TASP1: variants seen among roughly 807,000 people sequenced by gnomAD.
TASP1 encodes the protein threonine aspartase 1.
A neutral mutation model predicts 56.6 loss-of-function variants in TASP1; 16 were observed. The observed-to-expected ratio is 0.28, with a 90% CI of 0.19 to 0.43. TASP1 has a LOEUF of 0.43. Ranked by LOEUF, TASP1 falls within the 20% of genes least tolerant of loss-of-function variation. The pLI, the probability that TASP1 is intolerant of heterozygous loss-of-function variation, is 1.00. For synonymous variants in TASP1, 179 were observed against 184.2 expected (o/e 0.97, Z 0.23); for missense variants, 393 against 511.6 (o/e 0.77, Z 2.24).
At chr20:13,136,318 C>T in the TASP1 span, among the ~76,000 whole-genome samples, 13 of 151,864 alleles carry the variant, frequency 8.6e-5, no homozygotes, top group Admixed American at 8.5e-4. Flanking sequence ...GGAATTTGGC[C>T]AGGTGTGGTG....
chr20:13,498,611 T>C (rs1013189559), intron 10 of TASP1, among the ~76,000 whole-genome samples: 2 of 151,796 alleles, frequency 1.3e-5, no homozygotes, highest in Non-Finnish European at 2.9e-5. Context: ...CTCAAAGTGC[T>C]AGGATTATAG....
chr20:13,140,945 A>G, the TASP1 span, among the ~76,000 whole-genome samples: 33 of 152,296 alleles, frequency 2.2e-4, no homozygotes, highest in African/African-American at 7.2e-4. Flanking sequence ...CCTCTAACCC[A>G]ATGTGGACTG....
the TASP1 span, among the ~76,000 whole-genome samples, chr20:13,120,852 A>G: frequency 6.6e-6 from 1 of 152,334 alleles, no homozygotes; most frequent in South Asian, 2.1e-4. Context: ...CAGTCTGTCC[A>G]GAGCCAGCAG....
At chr20:13,308,500 C>T in the TASP1 span, among the ~76,000 whole-genome samples, 2 of 152,064 alleles carry the variant, frequency 1.3e-5, no homozygotes, top group Non-Finnish European at 2.9e-5. Flanking sequence ...GAATCTGCCA[C>T]ATAGCTGGAT....
downstream of TASP1, among the ~76,000 whole-genome samples, chr20:13,385,808 G>A (rs1337295643): frequency 1.3e-5 from 2 of 152,178 alleles, no homozygotes. Flanking sequence ...ACACATATTC[G>A]GTATTATCGC....
intron 13 of TASP1, among the ~76,000 whole-genome samples, chr20:13,415,118 C>T (rs2042212005): frequency 1.3e-5 from 2 of 152,240 alleles, no homozygotes; most frequent in East Asian, 1.9e-4. Flanking sequence ...AAGATGCCTT[C>T]TTACTCATTT....
chr20:13,373,833 C>T, the TASP1 span, among the ~76,000 whole-genome samples: 2 of 151,802 alleles, frequency 1.3e-5, no homozygotes, highest in Non-Finnish European at 2.9e-5. Flanking sequence ...AATACTTTTT[C>T]TTCTCCTTTC....
Position 13,559,059 on chromosome 20 carries a change from C to T in TASP1, c.624G>A (p.Arg208=). Residue 208 remains arginine, a synonymous_variant, in exon 8 of 14, where the codon AGG becomes AGA. Transcript: ENST00000337743. ...RNKRKLELAE[R]VDTDFMQLKK... ...TTAGTTGCATAAAATCTGTGTCCAC[C>T]CTTTCTGCCAGCTCTAGTTTCCTCT... is the stretch of plus-strand genomic sequence containing the variant. 6.3e-7 allele frequency: 1 copy of T among 1,595,796 alleles called. No individual in the cohort carries two copies.
the TASP1 span, among the ~76,000 whole-genome samples, chr20:13,158,316 A>G: frequency 6.6e-6 from 1 of 152,200 alleles, no homozygotes; most frequent in African/African-American, 2.4e-5. Context: ...TTAACTTAAG[A>G]ACACTAGCTT....
At chr20:13,256,190 GTT>G in the TASP1 span, among the ~76,000 whole-genome samples, 1 of 152,050 alleles carries the variant, frequency 6.6e-6, no homozygotes, top group South Asian at 2.1e-4. Flanking sequence ...GAGGTCAGGA[GTT>G]TGAGACCAGC....
At chr20:13,487,504 G>A (rs1381078716) in intron 10 of TASP1, among the ~76,000 whole-genome samples, 2 of 152,030 alleles carry the variant, frequency 1.3e-5, no homozygotes, top group Non-Finnish European at 2.9e-5. Context: ...CAGTCTCTAC[G>A]GCCAGGTCAT....
chr20:13,132,209 C>A, the TASP1 span, among the ~76,000 whole-genome samples: 1 of 133,630 alleles, frequency 7.5e-6, no homozygotes, highest in African/African-American at 2.8e-5. Flanking sequence ...TGGAGTCTCA[C>A]TCTGTCACCC....
At chr20:13,125,844 G>C in the TASP1 span, among the ~76,000 whole-genome samples, 7 of 152,194 alleles carry the variant, frequency 4.6e-5, no homozygotes, top group African/African-American at 1.7e-4. Context: ...AAATCACAAG[G>C]CCAGCCCAGA....
chr20:13,608,067 C>T (rs1401109455), intron 4 of TASP1, among the ~76,000 whole-genome samples: 5 of 152,164 alleles, frequency 3.3e-5, no homozygotes, highest in African/African-American at 7.2e-5. Flanking sequence ...AAAAAGCTTT[C>T]GAAATGAACT....
the TASP1 span, among the ~76,000 whole-genome samples, chr20:13,163,251 C>T: frequency 6.6e-6 from 1 of 151,470 alleles, no homozygotes; most frequent in Non-Finnish European, 1.5e-5. Flanking sequence ...GCCTGTAATC[C>T]CAGCTACTCG....
At chr20:13,588,323 AGGAAGG>A (rs2047396910) in intron 4 of TASP1, among the ~76,000 whole-genome samples, 1 of 149,560 alleles carries the variant, frequency 6.7e-6, no homozygotes, top group Admixed American at 6.7e-5. Flanking sequence ...AAGAAAAGGA[AGGAAGG>A]AAGGAAGGAA....
chr20:13,170,637 G>A, the TASP1 span, among the ~76,000 whole-genome samples: 8 of 152,188 alleles, frequency 5.3e-5, no homozygotes, highest in Non-Finnish European at 8.8e-5. Flanking sequence ...CAGCCCAGCT[G>A]CTAATTTTTA....
chr20:13,551,324 C>G (rs942729770), intron 8 of TASP1, among the ~76,000 whole-genome samples: 1 of 151,996 alleles, frequency 6.6e-6, no homozygotes, highest in African/African-American at 2.4e-5. Flanking sequence ...ACCTAAACAC[C>G]AATGAAATTA....
chr20:13,185,726 T>C, the TASP1 span, among the ~76,000 whole-genome samples: 1 of 152,144 alleles, frequency 6.6e-6, no homozygotes, highest in South Asian at 2.1e-4. Flanking sequence ...TTCTCATAGA[T>C]TATTGTCTCA....
Sources: allele counts gnomAD v4.1 joint callset (sites outside exome capture counted in the v4.1 genomes callset), GRCh38; gene constraint gnomAD v4.1.1; transcripts MANE v1.5; gene names NCBI Gene and HGNC (gene_info 2026-07-23, HGNC 2026-07-21).